The following REL variants were observed in gnomAD, a reference collection of about 807,000 sequenced individuals.
The protein encoded by REL is proto-oncogene c-Rel.
Under a neutral mutation model 45.9 loss-of-function variants are expected in REL, and 15 were observed. The observed-to-expected ratio is 0.33, with a 90% confidence interval of 0.22 to 0.50. REL has a LOEUF of 0.50. Ranked by LOEUF, REL falls within the 20% of genes least tolerant of loss-of-function variation. The pLI is 0.98. For missense variants in REL, 601 were observed against 715.2 expected, an observed-to-expected ratio of 0.84 and a Z score of 1.82; for synonymous variants, 239 against 242.1, an observed-to-expected ratio of 0.99 and a Z score of 0.12.
At chr2:60,919,231 C>A (rs993744870) in intron 7 of REL, among the ~76,000 whole-genome samples, 1 of 151,982 alleles carries the variant, frequency 6.6e-6, no homozygotes, top group Non-Finnish European at 1.5e-5. Flanking sequence ...ATATTTTAAA[C>A]AGCTTGTTTT....
chr2:60,922,013 C>A lies in REL; in HGVS notation c.1242C>A (p.Phe414Leu). 1 of 1,614,144 alleles carries A rather than the reference C, an allele frequency of 6.2e-7. No homozygotes were observed. Among genetic ancestry groups the A allele is most frequent in the Non-Finnish European group, 8.5e-7 (1 of 1,180,030 alleles). Residue 414 changes from phenylalanine to leucine, a missense_variant, in exon 10 of 10, where the codon TTC (phenylalanine) becomes TTA (leucine). Coordinates refer to ENST00000394479, the MANE Select transcript of REL (RefSeq NM_001291746.2). ...LPSNSQGIPP[F>L]LRIPVGNDLN... Reference sequence around the variant, plus strand: ...CTAATTCGCAAGGTATCCCACCATTCCTGAGAATACCTGTTGGGAATGATT... The same window carrying A: ...CTAATTCGCAAGGTATCCCACCATTACTGAGAATACCTGTTGGGAATGATT...
chr2:60,915,909 C>G (rs1304383012), intron 4 of REL, among the ~76,000 whole-genome samples: 2 of 152,136 alleles, frequency 1.3e-5, no homozygotes, highest in Non-Finnish European at 2.9e-5. Flanking sequence ...AACTAGCTAT[C>G]TTAACATTTT....
chr2:60,909,810 A>C (rs532007088), intron 4 of REL, among the ~76,000 whole-genome samples: 1 of 151,908 alleles, frequency 6.6e-6, no homozygotes, highest in South Asian at 2.1e-4. Flanking sequence ...CTGAGGCAGG[A>C]GGAGAATCAG....
At chr2:60,906,845 GTGTGTGTATGTA>G (rs531037889) in intron 4 of REL, among the ~76,000 whole-genome samples, 185 of 135,684 alleles carry the variant, frequency 1.4e-3, no homozygotes, top group African/African-American at 4.6e-3. Context: ...ATATATATAT[GTGTGTGTATGTA>G]TGTGTGTGTG....
At chr2:60,918,755 C>T in intron 7 of REL, 149 bp downstream of exon 7, 1 of 638,804 alleles carries the variant, frequency 1.6e-6, no homozygotes, top group Non-Finnish European at 2.7e-6. Context: ...TTTCTTTATG[C>T]TCTTTGCATC....
Position 60,922,648 on chromosome 2 carries a change from CTG to C in REL, c.*114_*115del. The C allele has an allele frequency of 2.2e-6, 3 of 1,366,218 alleles. No individual in the cohort carries two copies. The highest frequency in any genetic ancestry group is 2.8e-6 in the Non-Finnish European group (3 of 1,055,506). The allele number at this position is 1,366,218 out of a possible 1,614,324, so 84.6% of individuals were successfully genotyped here. On this transcript the variant is annotated 3_prime_UTR_variant, in exon 10 of 10. Coordinates refer to ENST00000394479, the MANE Select transcript of REL (RefSeq NM_001291746.2). ...ATTTATACTGTATATATAATACTGA[CTG>C]AGAATATAATACTGTATTTGAGAAT...
intron 2 of REL, among the ~76,000 whole-genome samples, chr2:60,893,100 C>A (rs1203569150): frequency 6.6e-6 from 1 of 152,170 alleles, no homozygotes; most frequent in African/African-American, 2.4e-5. Flanking sequence ...TTTTCTTTGA[C>A]TTTCAATGAA....
intron 3 of REL, 110 bp downstream of exon 3, chr2:60,894,655 T>TTCTATTTACTGTA: frequency 1.2e-6 from 1 of 807,862 alleles, no homozygotes; most frequent in East Asian, 2.9e-5. Flanking sequence ...CTCATTCTAC[T>TTCTATTTACTGTA]TCTATTTACT....
intron 7 of REL, among the ~76,000 whole-genome samples, chr2:60,919,152 A>G (rs552551864): frequency 2.6e-5 from 4 of 152,216 alleles, no homozygotes; most frequent in African/African-American, 9.7e-5. Context: ...TAGTCTCTAT[A>G]TTGGTTTCTT....
In REL at chr2:60,922,462, A is replaced by C; in HGVS notation, c.1691A>C (p.Gln564Pro). Residue 564 changes from glutamine to proline, a missense_variant, in exon 10 of 10, where the codon CAG becomes CCG. Transcript: ENST00000394479. Reference protein sequence around the residue: ...PNSHGFVQDSQYSGIGSMQNE... With the variant: ...PNSHGFVQDSPYSGIGSMQNE... ...AGTCATGGTTTTGTTCAAGATAGTC[A>C]GTATTCAGGTATTGGCAGTATGCAA... 6.2e-7 allele frequency: 1 copy of C among 1,613,966 alleles called. No individual in the cohort carries two copies. Among genetic ancestry groups the C allele is most frequent in the Non-Finnish European group, 8.5e-7 (1 of 1,179,982 alleles).
At chr2:60,884,914 C>CA (rs1673034302) in intron 1 of REL, among the ~76,000 whole-genome samples, 1 of 152,126 alleles carries the variant, frequency 6.6e-6, no homozygotes, top group Non-Finnish European at 1.5e-5. Flanking sequence ...TCTTTAATAA[C>CA]AGAGCTGGAA....
rs568513496 is a variant in REL at position 60,898,235 on chromosome 2, A to G, written c.303-2757A>G. The stretch of plus-strand genomic sequence containing the variant: ...TTTAGCCAGTGTGATCTTTTAAAAT[A>G]CAAATGAAATTGTCTTTCCCTTGCT... On this transcript the variant is annotated intron_variant, in intron 3 of 9. Coordinates refer to ENST00000394479, the MANE Select transcript of REL (RefSeq NM_001291746.2). Among the ~76,000 whole-genome samples, 19 of 152,342 alleles carry G rather than the reference A, an allele frequency of 1.2e-4. 1 individual carries two copies. The East Asian group carries it at 3.5e-3, about 28-fold the overall frequency.
chr2:60,884,481 T>A lies in REL; in HGVS notation c.10+2631T>A, dbSNP rs527280532. Among the ~76,000 whole-genome samples the A allele has an allele frequency of 2.0e-5, 3 of 152,208 alleles. No individual in the cohort carries two copies. The South Asian group carries it at 6.2e-4, about 31-fold the overall frequency. ...ACACCTTGATCACAGTCTTTTGACA[T>A]AATTAATAATAGATATAGTGAAGAA... On this transcript the variant is annotated intron_variant, in intron 1 of 9. Coordinates refer to ENST00000394479, the MANE Select transcript of REL (RefSeq NM_001291746.2).
intron 5 of REL, 49 bp downstream of exon 5, chr2:60,917,066 A>G (rs781622443): frequency 6.8e-7 from 1 of 1,478,098 alleles, no homozygotes; most frequent in Non-Finnish European, 9.3e-7. Context: ...GTTTTTTGTA[A>G]TAGTTTAATT....
intron 1 of REL, among the ~76,000 whole-genome samples, chr2:60,882,448 G>T (rs1356415084): frequency 6.6e-6 from 1 of 152,214 alleles, no homozygotes; most frequent in Non-Finnish European, 1.5e-5. Context: ...GCCGAGGCGG[G>T]TGGATAACCA....
At chr2:60,898,874 T>G (rs1227708398) in intron 3 of REL, 1 of 152,152 alleles carries the variant, frequency 6.6e-6, no homozygotes, top group Admixed American at 6.5e-5. Context: ...CTTTGCAGAG[T>G]TTTTGGTATA....
At chr2:60,892,031 T>C (rs537718387) in intron 2 of REL, among the ~76,000 whole-genome samples, 26 of 152,260 alleles carry the variant, frequency 1.7e-4, no homozygotes, top group Admixed American at 9.8e-4. Flanking sequence ...AATGGAGTCT[T>C]CCCCACTGCA....
At position 60,925,404 on chromosome 2, in the gene REL, C is replaced by T. The variant is rs891989491; in HGVS notation, c.*2869C>T. On this transcript the variant is annotated 3_prime_UTR_variant, in exon 10 of 10. Coordinates refer to ENST00000394479, the MANE Select transcript of REL (RefSeq NM_001291746.2). ...TCAGGAAGAAAAAAAAAGAAAGACC[C>T]CTGAGTACCATTAATATTCCTCAGA... is the stretch of plus-strand genomic sequence containing the variant. 9 of 189,656 alleles carry T rather than the reference C, an allele frequency of 4.7e-5. No homozygotes were observed. Among genetic ancestry groups the T allele is most frequent in the Non-Finnish European group, 7.7e-5 (7 of 90,416 alleles). 11.7% of individuals were successfully genotyped at this position (189,656 alleles called of 1,614,324 possible).
At chr2:60,906,130 A>T (rs1673641652) in intron 4 of REL, among the ~76,000 whole-genome samples, 1 of 152,174 alleles carries the variant, frequency 6.6e-6, no homozygotes, top group Admixed American at 6.5e-5. Flanking sequence ...ATCTTGTGAG[A>T]CTTATTCACT....
Sources: allele counts gnomAD v4.1 joint callset (sites outside exome capture counted in the v4.1 genomes callset), GRCh38; gene constraint gnomAD v4.1.1; transcripts MANE v1.5; gene names NCBI Gene and HGNC (gene_info 2026-07-23, HGNC 2026-07-21).